Variants in DTWD2 observed in about 807,000 individuals in gnomAD.
DTWD2 encodes DTW motif tRNA-uridine aminocarboxypropyltransferase 2, also known as tRNA-uridine aminocarboxypropyltransferase 2.
In DTWD2, 39 loss-of-function variants were observed where a neutral mutation model predicts 31.8. The observed-to-expected ratio is 1.22, with a 90% CI of 0.95 to 1.60. DTWD2 has a LOEUF of 1.60. Among genes scored for constraint, DTWD2 ranks in the 40% most tolerant of loss-of-function variants. The pLI is 0.00. For synonymous variants in DTWD2, 180 were observed against 142.8 expected (o/e 1.26, Z -1.86); for missense variants, 515 against 381.5 (o/e 1.35, Z -2.92).
At chr5:118,967,658 A>T (rs1006596644) in intron 1 of DTWD2, among the ~76,000 whole-genome samples, 2 of 152,242 alleles carry the variant, frequency 1.3e-5, no homozygotes, top group Admixed American at 6.5e-5. Context: ...GTAATAAAAT[A>T]AATATCCATA....
At chr5:118,877,610 C>A (rs1461571168) in intron 4 of DTWD2, among the ~76,000 whole-genome samples, 1 of 152,056 alleles carries the variant, frequency 6.6e-6, no homozygotes, top group Non-Finnish European at 1.5e-5. Flanking sequence ...GGGAAGTATA[C>A]CCCTTGAAAA....
intron 4 of DTWD2, among the ~76,000 whole-genome samples, chr5:118,878,658 C>T (rs1383589255): frequency 1.3e-5 from 2 of 152,014 alleles, no homozygotes; most frequent in Non-Finnish European, 2.9e-5. Context: ...CAAAAATTGA[C>T]AAATGGGATC....
rs1008132039 is a variant in DTWD2, at chr5:118,885,376, C to T, written c.598-37158G>A. On this transcript the variant is annotated intron_variant, in intron 4 of 5. Transcript: ENST00000510708. ...CTGTGGCGGAAGAATCGCTTGAACC[C>T]GGGAGGTGGAGGTAGCAGCGAGCCG... 2.5e-4 allele frequency among the ~76,000 whole-genome samples: 35 copies of T among 142,528 alleles called. No individual in the cohort carries two copies. The Admixed American group carries it at 2.5e-3, about 10-fold the overall frequency. 93.5% of individuals were successfully genotyped at this position (142,528 alleles called of 152,430 possible).
chr5:118,909,023 T>C (rs898589592), intron 4 of DTWD2, among the ~76,000 whole-genome samples: 3 of 152,142 alleles, frequency 2.0e-5, no homozygotes, highest in African/African-American at 7.2e-5. Context: ...CAACGGTGCT[T>C]AGCAATACAA....
chr5:118,856,370 G>C (rs1471256996), intron 4 of DTWD2, among the ~76,000 whole-genome samples: 1 of 152,054 alleles, frequency 6.6e-6, no homozygotes, highest in African/African-American at 2.4e-5. Flanking sequence ...CAGTATCCCT[G>C]TCTGTGAATT....
At chr5:118,972,528 C>T (rs939475441) in intron 1 of DTWD2, among the ~76,000 whole-genome samples, 4 of 152,168 alleles carry the variant, frequency 2.6e-5, no homozygotes, top group African/African-American at 9.7e-5. Context: ...GAATTTACAG[C>T]TGAATTCTAC....
intron 1 of DTWD2, among the ~76,000 whole-genome samples, chr5:118,978,798 G>T (rs909591327): frequency 4.6e-5 from 7 of 151,934 alleles, no homozygotes; most frequent in African/African-American, 1.7e-4. Context: ...TTGAGGTCAG[G>T]AGTTAGAGAT....
intron 4 of DTWD2, among the ~76,000 whole-genome samples, chr5:118,901,581 C>T (rs1252091600): frequency 6.6e-6 from 1 of 151,926 alleles, no homozygotes; most frequent in Non-Finnish European, 1.5e-5. Context: ...GAGTATACCA[C>T]ATGGGCTTAA....
At chr5:118,849,096 G>T (rs1017572159) in intron 4 of DTWD2, among the ~76,000 whole-genome samples, 1 of 152,118 alleles carries the variant, frequency 6.6e-6, no homozygotes. Context: ...GCAACCTACA[G>T]AATGGGAGAA....
chr5:118,944,825 T>C (rs546139217), intron 1 of DTWD2, among the ~76,000 whole-genome samples, 176 bp from the exon 2 acceptor site: 2 of 152,158 alleles, frequency 1.3e-5, no homozygotes, highest in Non-Finnish European at 2.9e-5. Context: ...ACATGAGAAT[T>C]TGGAGAAATT....
chr5:118,879,300 C>T (rs975036689), intron 4 of DTWD2, among the ~76,000 whole-genome samples: 11 of 152,076 alleles, frequency 7.2e-5, no homozygotes, highest in African/African-American at 1.2e-4. Flanking sequence ...TGGAATATTA[C>T]GCAGCCATTA....
At chr5:118,956,810 G>C (rs1292454442) in intron 1 of DTWD2, among the ~76,000 whole-genome samples, 1 of 151,954 alleles carries the variant, frequency 6.6e-6, no homozygotes, top group Non-Finnish European at 1.5e-5. Flanking sequence ...AAAAAGCAAA[G>C]AACAAAAAGT....
chr5:118,930,931 T>G (rs1753909014), intron 3 of DTWD2, among the ~76,000 whole-genome samples: 2 of 152,054 alleles, frequency 1.3e-5, no homozygotes, highest in African/African-American at 4.8e-5. Flanking sequence ...CTTTTTGAAG[T>G]GATGACATAT....
intron 2 of DTWD2, among the ~76,000 whole-genome samples, chr5:118,941,097 C>T (rs763578463): frequency 1.1e-4 from 16 of 152,088 alleles, no homozygotes; most frequent in Non-Finnish European, 2.4e-4. Flanking sequence ...CCCAAAGCCC[C>T]CTCCTAGAGC....
intron 4 of DTWD2, among the ~76,000 whole-genome samples, chr5:118,907,173 T>C (rs1753351095): frequency 6.6e-6 from 1 of 152,198 alleles, no homozygotes; most frequent in Non-Finnish European, 1.5e-5. Flanking sequence ...TCCTATGAAT[T>C]AGAAAGTTTC....
chr5:118,929,324 G>A (rs994779805), intron 3 of DTWD2, among the ~76,000 whole-genome samples: 3 of 152,224 alleles, frequency 2.0e-5, no homozygotes, highest in African/African-American at 7.2e-5. Context: ...TAATTTAGGA[G>A]TATGCACCTG....
intron 4 of DTWD2, among the ~76,000 whole-genome samples, chr5:118,862,975 A>T (rs1401711090): frequency 6.6e-6 from 1 of 152,172 alleles, no homozygotes; most frequent in South Asian, 2.1e-4. Context: ...GGACATTCTC[A>T]TGTGAAAAGC....
intron 4 of DTWD2, among the ~76,000 whole-genome samples, chr5:118,879,183 C>T (rs576489551): frequency 6.6e-6 from 1 of 152,268 alleles, no homozygotes; most frequent in African/African-American, 2.4e-5. Context: ...AAGATACATG[C>T]ACGTGTATCT....
intron 4 of DTWD2, among the ~76,000 whole-genome samples, chr5:118,923,720 C>A (rs1753753001): frequency 6.6e-6 from 1 of 152,186 alleles, no homozygotes; most frequent in Non-Finnish European, 1.5e-5. Flanking sequence ...GTGCCTCGGT[C>A]TCTTTTCCTG....
Sources: gnomAD v4.1 joint callset for allele counts (sites outside exome capture counted in the v4.1 genomes callset) on GRCh38, gnomAD v4.1.1 for gene constraint, MANE v1.5 for transcripts, NCBI Gene and HGNC (gene_info 2026-07-23, HGNC 2026-07-21) for gene names.